Variants in MKLN1 observed in about 807,000 individuals in gnomAD.
MKLN1 encodes the protein muskelin.
A neutral mutation model predicts 99.0 loss-of-function variants in MKLN1; 18 were observed. The observed-to-expected ratio is 0.18, with a 90% CI of 0.13 to 0.27. The LOEUF (loss-of-function observed/expected upper bound fraction) is 0.27, where lower values mean the gene tolerates loss of function less well. MKLN1 is among the 10% of genes least tolerant of loss of function. The probability of loss-of-function intolerance (pLI) is 1.00; values close to 1 mark genes in which losing one functional copy is unlikely to be tolerated. For synonymous variants in MKLN1, 288 were observed against 293.2 expected, an observed-to-expected ratio of 0.98 and a Z score of 0.18; for missense variants, 621 against 875.9, an observed-to-expected ratio of 0.71 and a Z score of 3.67.
At chr7:131,301,007 T>C (rs745674505) in intron 3 of MKLN1, among the ~76,000 whole-genome samples, 1 of 152,222 alleles carries the variant, frequency 6.6e-6, no homozygotes, top group Non-Finnish European at 1.5e-5. Context: ...TGCCTTTTCT[T>C]ATCCTAAGAC....
intron 3 of MKLN1, among the ~76,000 whole-genome samples, chr7:131,233,373 A>AAAATAAAT (rs71966796): frequency 0.24 from 34,708 of 142,198 alleles, 4,703 homozygotes; most frequent in East Asian, 0.35. Context: ...CTGTCTCCAA[A>AAAATAAAT]AAATAAATAA....
At chr7:131,251,820 C>A (rs1046227462) in intron 3 of MKLN1, among the ~76,000 whole-genome samples, 1 of 151,966 alleles carries the variant, frequency 6.6e-6, no homozygotes. Context: ...CAGGCACATG[C>A]CACCATGCCC....
chr7:131,466,517 A>C (rs1796665118), intron 15 of MKLN1, 102 bp downstream of exon 15: 1 of 770,424 alleles, frequency 1.3e-6, no homozygotes, highest in African/African-American at 1.8e-5. Context: ...AAGATCATGA[A>C]TTTTGTAAAT....
At chr7:131,431,332 C>T (rs1216566422) in intron 9 of MKLN1, among the ~76,000 whole-genome samples, 1 of 152,150 alleles carries the variant, frequency 6.6e-6, no homozygotes, top group Non-Finnish European at 1.5e-5. Flanking sequence ...TTTCAGTTAT[C>T]GTTTACACTG....
intron 1 of MKLN1, among the ~76,000 whole-genome samples, chr7:131,363,021 A>G (rs1800076100): frequency 6.6e-6 from 1 of 151,978 alleles, no homozygotes; most frequent in Non-Finnish European, 1.5e-5. Context: ...AACAATTTTC[A>G]TCTTCGTGGC....
chr7:131,489,228 T>G lies in MKLN1; in HGVS notation c.*1500T>G, dbSNP rs1797364486. ...TTATTCTGTCTTTAGTACATGGTTTTACTTATTTTGGGGATGGATAGAAAT... is the reference window on the plus strand; with the variant it reads ...TTATTCTGTCTTTAGTACATGGTTTGACTTATTTTGGGGATGGATAGAAAT... On this transcript the variant is annotated 3_prime_UTR_variant, in exon 18 of 18. Transcript: ENST00000352689. 6.6e-6 allele frequency: 1 copy of G among 152,162 alleles called. No homozygotes were observed. Among genetic ancestry groups the G allele is most frequent in the African/African-American group, 2.4e-5 (1 of 41,460 alleles). 9.4% of individuals were successfully genotyped at this position (152,162 alleles called of 1,614,324 possible). A position where few individuals can be genotyped will look rare whatever the true frequency, so the allele number is the denominator to read the frequency against.
chr7:131,175,003 ATAGATAGG>A (rs890497401), intron 2 of MKLN1, among the ~76,000 whole-genome samples: 9 of 107,564 alleles, frequency 8.4e-5, no homozygotes, highest in South Asian at 6.0e-4. Context: ...AGATAGATAG[ATAGATAGG>A]GTGGGTATAT....
chr7:131,170,033 T>C (rs1206600793), intron 2 of MKLN1, among the ~76,000 whole-genome samples: 4 of 152,146 alleles, frequency 2.6e-5, no homozygotes, highest in African/African-American at 4.8e-5. Flanking sequence ...GAGGCTATAG[T>C]GAGCTACGAT....
intron 3 of MKLN1, among the ~76,000 whole-genome samples, chr7:131,312,384 T>C (rs1392153623): frequency 6.6e-6 from 1 of 152,184 alleles, no homozygotes; most frequent in Admixed American, 6.5e-5. Context: ...AAGAGCAGAT[T>C]AATGCTCCAA....
intron 2 of MKLN1, among the ~76,000 whole-genome samples, chr7:131,172,827 C>T (rs1796236182): frequency 6.6e-6 from 1 of 152,178 alleles, no homozygotes; most frequent in Admixed American, 6.5e-5. Flanking sequence ...GGAACAACCA[C>T]TTATACTTGA....
At chr7:131,342,903 A>G (rs1799449361) in intron 1 of MKLN1, among the ~76,000 whole-genome samples, 1 of 152,250 alleles carries the variant, frequency 6.6e-6, no homozygotes, top group Admixed American at 6.5e-5. Flanking sequence ...TATTTTTACC[A>G]TAAACAGATT....
chr7:131,361,864 ACATTCT>A (rs1397289375), intron 1 of MKLN1, among the ~76,000 whole-genome samples: 2 of 150,160 alleles, frequency 1.3e-5, no homozygotes, highest in African/African-American at 4.9e-5. Context: ...GTTATGTATG[ACATTCT>A]TATCTTCATG....
intron 1 of MKLN1, among the ~76,000 whole-genome samples, chr7:131,121,243 T>C (rs887552902): frequency 1.3e-5 from 2 of 152,148 alleles, no homozygotes; most frequent in African/African-American, 4.8e-5. Flanking sequence ...TCCGCCTCCA[T>C]GATCCAGTCA....
At chr7:131,164,054 G>A (rs1420467804) in intron 2 of MKLN1, among the ~76,000 whole-genome samples, 1 of 152,068 alleles carries the variant, frequency 6.6e-6, no homozygotes, top group African/African-American at 2.4e-5. Context: ...ATATTATTAG[G>A]GGCTAAAAAT....
At chr7:131,310,953 A>G (rs1798554272) in intron 3 of MKLN1, among the ~76,000 whole-genome samples, 1 of 151,202 alleles carries the variant, frequency 6.6e-6, no homozygotes, top group Non-Finnish European at 1.5e-5. Context: ...TAAATAGCTC[A>G]AGGAAAAAAA....
chr7:131,401,718 A>G (rs920911381), intron 6 of MKLN1, among the ~76,000 whole-genome samples: 2 of 152,222 alleles, frequency 1.3e-5, no homozygotes, highest in Non-Finnish European at 2.9e-5. Flanking sequence ...GAATGACACA[A>G]TAAAGCAAGT....
At chr7:131,175,325 A>C (rs2116344687) in intron 2 of MKLN1, among the ~76,000 whole-genome samples, 1 of 152,282 alleles carries the variant, frequency 6.6e-6, no homozygotes, top group Admixed American at 6.5e-5. Context: ...GAAAAGATGG[A>C]GCTTCTGTGA....
At chr7:131,295,876 T>A (rs1798283590) in intron 3 of MKLN1, among the ~76,000 whole-genome samples, 1 of 129,322 alleles carries the variant, frequency 7.7e-6, no homozygotes, top group Non-Finnish European at 1.6e-5. Flanking sequence ...CAGAGCAACG[T>A]CCTATCCAAA....
chr7:131,120,170 CAA>C (rs34545571), intron 1 of MKLN1, among the ~76,000 whole-genome samples: 4 of 76,510 alleles, frequency 5.2e-5, no homozygotes, highest in Admixed American at 3.9e-4. Flanking sequence ...GACTCCATCT[CAA>C]AAAAAAAAAA....
Sources: allele counts gnomAD v4.1 joint callset (sites outside exome capture counted in the v4.1 genomes callset), GRCh38; gene constraint gnomAD v4.1.1; transcripts MANE v1.5; gene names NCBI Gene and HGNC (gene_info 2026-07-23, HGNC 2026-07-21).